The following SSTR5 variants were observed in gnomAD, a reference collection of about 807,000 sequenced individuals.
SSTR5 encodes the protein somatostatin receptor 5.
A neutral mutation model predicts 0.3 loss-of-function variants in SSTR5; 1 was observed. The observed-to-expected ratio is 2.98, with a 90% CI of 1.06 to 14.15. SSTR5 has a LOEUF of 14.15. Among genes scored for constraint, SSTR5 ranks in the 30% most tolerant of loss-of-function variants. SSTR5 has a pLI of 0.12. For missense variants in SSTR5, 516 were observed against 543.2 expected, an observed-to-expected ratio of 0.95 and a Z score of 0.50; for synonymous variants, 256 against 263.1, an observed-to-expected ratio of 0.97 and a Z score of 0.26.
rs761260519 is a variant in SSTR5, at chr16:1,079,756, C to T, written c.888C>T (p.Asn296=). Residue 296 remains asparagine, a synonymous_variant, in exon 2 of 2, where the codon AAC becomes AAT. Coordinates refer to ENST00000689027, the MANE Select transcript of SSTR5 (RefSeq NM_001172560.3). ...YFFVVILSYA[N]SCANPVLYGF... is the part of the protein sequence containing the mutation. ...TCGTGGTCATCCTCTCCTACGCCAA[C>T]AGCTGTGCCAACCCCGTCCTCTACG... 10 of 1,612,210 alleles carry T rather than the reference C, an allele frequency of 6.2e-6. No homozygotes were observed. The South Asian group carries it at 1.1e-4, about 18-fold the overall frequency.
At chr16:1,073,729 T>A (rs1384735955) in intron 1 of SSTR5, 2 of 146,426 alleles carry the variant, frequency 1.4e-5, no homozygotes, top group Non-Finnish European at 1.5e-5. Context: ...GAGAGCGGAG[T>A]GCATGGTGAC....
At chr16:1,072,918 G>A (rs1296150568) in intron 1 of SSTR5, among the ~76,000 whole-genome samples, 96 bp downstream of exon 1, 1 of 146,260 alleles carries the variant, frequency 6.8e-6, no homozygotes, top group Non-Finnish European at 1.5e-5. Context: ...GCGCAGCCCC[G>A]GCCCGGGGTC....
Position 1,080,002 on chromosome 16 carries a change from A to G in SSTR5, c.*39A>G, listed in dbSNP as rs1435965861. ...GGGTGGGCGGCCCCGTGTCACCCCC[A>G]GGAGCGGAGGTTGCACTGCGGTGAC... On this transcript the variant is annotated 3_prime_UTR_variant, in exon 2 of 2. Transcript: ENST00000689027. 2 of 1,549,032 alleles carry G rather than the reference A, an allele frequency of 1.3e-6. No individual in the cohort carries two copies. The highest frequency in any genetic ancestry group is 1.7e-6 in the Non-Finnish European group (2 of 1,149,344).
At position 1,080,498 on chromosome 16, in the gene SSTR5, G is replaced by A. The variant is rs915121225; in HGVS notation, c.*535G>A. Among the ~76,000 whole-genome samples the A allele has an allele frequency of 6.6e-6, 1 of 152,248 alleles. No individual in the cohort carries two copies. Among genetic ancestry groups the A allele is most frequent in the Admixed American group, 6.5e-5 (1 of 15,292 alleles). ...CCCCTCGCTTGCCCTGCACTGTGTG[G>A]ACTCTGGGGATGCAGGTGTAAGGGG... On this transcript the variant is annotated 3_prime_UTR_variant, in exon 2 of 2. Coordinates refer to ENST00000689027, the MANE Select transcript of SSTR5 (RefSeq NM_001172560.3).
Position 1,079,399 on chromosome 16 carries a change from C to T in SSTR5, c.531C>T (p.Phe177=), listed in dbSNP as rs374556263. Residue 177 remains phenylalanine (F), a synonymous_variant, in exon 2 of 2, where the codon TTC becomes TTT. Transcript: ENST00000689027. Reference sequence around the variant, plus strand: ...GCATGTCGCTGCCGCTCCTGGTGTTCGCGGACGTGCAGGAGGGCGGTACCT... The same window carrying T: ...GCATGTCGCTGCCGCTCCTGGTGTTTGCGGACGTGCAGGAGGGCGGTACCT... ...SLCMSLPLLV[F]ADVQEGGTCN... is the part of the protein sequence containing the mutation. The T allele has an allele frequency of 4.2e-4, 667 of 1,594,608 alleles. No homozygotes were observed. Among genetic ancestry groups the T allele is most frequent in the Non-Finnish European group, 5.4e-4 (637 of 1,170,854 alleles).
rs150961193 is a variant in SSTR5, at chr16:1,079,290, T to C, written c.422T>C (p.Val141Ala). The C allele has an allele frequency of 1.8e-4, 291 of 1,611,458 alleles. 1 individual carries two copies. The highest frequency in any genetic ancestry group is 1.3e-4 in the Non-Finnish European group (148 of 1,179,468). The change falls in exon 2 of 2, where the codon GTG becomes GCG. Residue 141 changes from valine to alanine, a missense_variant. Transcript: ENST00000689027. ...ATGAGCGTGGACCGCTACCTGGCAG[T>C]GGTGCACCCGCTGAGCTCGGCCCGC... ...TVMSVDRYLAVVHPLSSARWR... is the reference protein window; with the variant it reads ...TVMSVDRYLAAVHPLSSARWR...
In SSTR5 at chr16:1,079,299, C is replaced by A. The variant is rs759226187; in HGVS notation, c.431C>A (p.Pro144Gln). ...SVDRYLAVVH[P>Q]LSSARWRRPR... ...GACCGCTACCTGGCAGTGGTGCACC[C>A]GCTGAGCTCGGCCCGCTGGCGCCGC... The change falls in exon 2 of 2, where the codon CCG (proline) becomes CAG (glutamine). Residue 144 changes from proline (P) to glutamine (Q), a missense_variant. By Grantham distance (76) the Pro-to-Gln change is moderately conservative. Coordinates refer to ENST00000689027, the MANE Select transcript of SSTR5 (RefSeq NM_001172560.3). 2.5e-6 allele frequency: 4 copies of A among 1,610,486 alleles called. No individual in the cohort carries two copies. The highest frequency in any genetic ancestry group is 1.3e-5 in the African/African-American group (1 of 74,894).
chr16:1,078,234 G>A (rs768448155), intron 1 of SSTR5: 123 of 155,038 alleles, frequency 7.9e-4, no homozygotes, highest in Non-Finnish European at 1.5e-3. Flanking sequence ...CGGTCCCTGC[G>A]CTGGCCTGGA....
chr16:1,075,386 A>G (rs505496), intron 1 of SSTR5, among the ~76,000 whole-genome samples: 47,877 of 151,930 alleles, frequency 0.32, 8,549 homozygotes, highest in African/African-American at 0.47. Flanking sequence ...CAGGAGGATC[A>G]CTTGAGCACA....
rs144583796 is a variant in SSTR5 at position 1,079,890 on chromosome 16, G to A, written c.1022G>A (p.Arg341Gln). 2.1e-5 allele frequency: 33 copies of A among 1,609,070 alleles called. No homozygotes were observed. Among genetic ancestry groups the A allele is most frequent in the African/African-American group, 2.0e-4 (15 of 75,000 alleles). ...DATEPRPDRI[R>Q]QQQEATPPAH... ...ACGGAGCCGCGTCCAGACAGGATCC[G>A]GCAGCAGCAGGAGGCCACGCCACCC... The change falls in exon 2 of 2, where the codon CGG becomes CAG. Residue 341 changes from arginine to glutamine, a missense_variant. Physicochemically the swap from Arg to Gln is conservative, Grantham distance 43 (BLOSUM62 1). Coordinates refer to ENST00000689027, the MANE Select transcript of SSTR5 (RefSeq NM_001172560.3).
rs1960361150 is a variant in SSTR5, at chr16:1,080,884, A to T, written c.*921A>T. 2.6e-6 allele frequency: 1 copy of T among 379,870 alleles called. No individual in the cohort carries two copies. The highest frequency in any genetic ancestry group is 5.5e-6 in the Non-Finnish European group (1 of 183,176). 23.5% of individuals were successfully genotyped at this position (379,870 alleles called of 1,614,324 possible). A position where few individuals can be genotyped will look rare whatever the true frequency, so the allele number is the denominator to read the frequency against. ...GGGTCAGGGCTTGGAGAGGACAGGGAACCTGCGGCCGTCTCTTCTGCTTTG... is the reference window on the plus strand; with the variant it reads ...GGGTCAGGGCTTGGAGAGGACAGGGTACCTGCGGCCGTCTCTTCTGCTTTG... On this transcript the variant is annotated 3_prime_UTR_variant, in exon 2 of 2. Transcript: ENST00000689027.
At position 1,078,876 on chromosome 16, in the gene SSTR5, C is replaced by T. The variant is rs1278993892; in HGVS notation, c.8C>T (p.Pro3Leu). ME[P>L]LFPASTPSWN... Reference sequence around the variant, plus strand: ...CACCCCAGGGCTGCCGCCATGGAGCCCCTGTTCCCAGCCTCCACGCCCAGC... The same window carrying T: ...CACCCCAGGGCTGCCGCCATGGAGCTCCTGTTCCCAGCCTCCACGCCCAGC... Residue 3 changes from proline to leucine, a missense_variant, in exon 2 of 2, where the codon CCC (proline) becomes CTC (leucine). Pro to Leu is a moderately conservative substitution (Grantham distance 98). Transcript: ENST00000689027. 2 of 1,605,808 alleles carry T rather than the reference C, an allele frequency of 1.2e-6. No homozygotes were observed. Among genetic ancestry groups the T allele is most frequent in the Admixed American group, 3.3e-5 (2 of 59,932 alleles).
chr16:1,073,252 C>G (rs1298999021), intron 1 of SSTR5: 3 of 152,258 alleles, frequency 2.0e-5, no homozygotes, highest in African/African-American at 7.2e-5. Flanking sequence ...GGGGAGGGCT[C>G]GGAGCCTGGG....
At chr16:1,074,766 TGTG>T (rs1960160003) in intron 1 of SSTR5, among the ~76,000 whole-genome samples, 1 of 152,094 alleles carries the variant, frequency 6.6e-6, no homozygotes, top group Non-Finnish European at 1.5e-5. Context: ...GATGGTGAGT[TGTG>T]GGGTGGGGGC....
chr16:1,079,162 G>A lies in SSTR5; in HGVS notation c.294G>A (p.Thr98=), dbSNP rs368008840. 3.3e-5 allele frequency: 53 copies of A among 1,612,564 alleles called. No individual in the cohort carries two copies. Among genetic ancestry groups the A allele is most frequent in the African/African-American group, 2.1e-4 (16 of 75,056 alleles). ...TGCTGGGGCTGCCTTTCCTGGCCAC[G>A]CAGAACGCCGCGTCCTTCTGGCCCT... ...LYMLGLPFLA[T]QNAASFWPFG... is the part of the protein sequence containing the mutation. Residue 98 remains threonine, a synonymous_variant, in exon 2 of 2, where the codon ACG becomes ACA. Coordinates refer to ENST00000689027, the MANE Select transcript of SSTR5 (RefSeq NM_001172560.3).
At position 1,079,270 on chromosome 16, in the gene SSTR5, C is replaced by T. The variant is rs34654948; in HGVS notation, c.402C>T (p.Ser134=). ...GTGTCTTCTGCCTGACAGTCATGAG[C>T]GTGGACCGCTACCTGGCAGTGGTGC... ...FTSVFCLTVM[S]VDRYLAVVHP... The change falls in exon 2 of 2, where the codon AGC becomes AGT. Residue 134 remains serine, a synonymous_variant. Coordinates refer to ENST00000689027, the MANE Select transcript of SSTR5 (RefSeq NM_001172560.3). 2,544 of 1,612,170 alleles carry T rather than the reference C, an allele frequency of 1.6e-3. 39 individuals carry two copies. The African/African-American group carries it at 0.025, about 16-fold the overall frequency.
chr16:1,079,903 G>T lies in SSTR5; in HGVS notation c.1035G>T (p.Glu345Asp), dbSNP rs750960365. 2 of 1,607,796 alleles carry T rather than the reference G, an allele frequency of 1.2e-6. No individual in the cohort carries two copies. The highest frequency in any genetic ancestry group is 1.3e-5 in the African/African-American group (1 of 74,868). Residue 345 changes from glutamate to aspartate, a missense_variant, in exon 2 of 2, where the codon GAG (glutamate) becomes GAT (aspartate). Transcript: ENST00000689027. Reference sequence around the variant, plus strand: ...CAGACAGGATCCGGCAGCAGCAGGAGGCCACGCCACCCGCGCACCGCGCCG... The same window carrying T: ...CAGACAGGATCCGGCAGCAGCAGGATGCCACGCCACCCGCGCACCGCGCCG... ...PRPDRIRQQQ[E>D]ATPPAHRAAA...
In SSTR5 at chr16:1,080,164, C is replaced by A; in HGVS notation, c.*201C>A. The A allele has an allele frequency of 1.4e-6, 1 of 710,300 alleles. No individual in the cohort carries two copies. The highest frequency in any genetic ancestry group is 2.2e-6 in the Non-Finnish European group (1 of 445,920). 44.0% of individuals were successfully genotyped at this position (710,300 alleles called of 1,614,324 possible). On this transcript the variant is annotated 3_prime_UTR_variant, in exon 2 of 2. Coordinates refer to ENST00000689027, the MANE Select transcript of SSTR5 (RefSeq NM_001172560.3). ...CCATCCCCTCTAACCGTCTGCCACA[C>A]AGCGGGGGCTCCCGGGAGGTAGGGG...
rs1461716054 is a variant in SSTR5 at position 1,078,985 on chromosome 16, G to A, written c.117G>A (p.Arg39=). Residue 39 remains arginine (R), a synonymous_variant, in exon 2 of 2, where the codon CGG becomes CGA. Transcript: ENST00000689027. Reference sequence around the variant, plus strand: ...GGCCGGCGCCCTCGGCAGGGGCCCGGGCGGTGCTGGTGCCCGTGCTGTACC... The same window carrying A: ...GGCCGGCGCCCTCGGCAGGGGCCCGAGCGGTGCTGGTGCCCGTGCTGTACC... The part of the protein sequence containing the change: ...LVGPAPSAGA[R]AVLVPVLYLL... 3 of 1,590,544 alleles carry A rather than the reference G, an allele frequency of 1.9e-6. No individual in the cohort carries two copies. Among genetic ancestry groups the A allele is most frequent in the Non-Finnish European group, 2.6e-6 (3 of 1,170,790 alleles).
Sources: allele counts gnomAD v4.1 joint callset (sites outside exome capture counted in the v4.1 genomes callset), GRCh38; gene constraint gnomAD v4.1.1; transcripts MANE v1.5; gene names NCBI Gene and HGNC (gene_info 2026-07-23, HGNC 2026-07-21).